Variants in AP3B1 observed in about 807,000 individuals in gnomAD.
AP3B1 encodes the protein adaptor related protein complex 3 subunit beta 1.
Under a neutral mutation model 132.5 loss-of-function variants are expected in AP3B1, and 61 were observed. That is an observed-to-expected ratio of 0.46 (90% CI 0.37 to 0.57). The LOEUF (loss-of-function observed/expected upper bound fraction) is 0.57. AP3B1 is among the 20% of genes least tolerant of loss of function. AP3B1 has a pLI of 0.00. For missense variants in AP3B1, 1,120 were observed against 1,289.4 expected (o/e 0.87, Z 2.01); for synonymous variants, 388 against 438.3 (o/e 0.89, Z 1.43).
chr5:78,183,291 C>T (rs1047564477), intron 7 of AP3B1, among the ~76,000 whole-genome samples: 2 of 152,150 alleles, frequency 1.3e-5, no homozygotes, highest in African/African-American at 4.8e-5. Flanking sequence ...ACCACCCTTC[C>T]CTGCTAGAGT....
At chr5:78,157,047 G>A (rs1032736907) in intron 13 of AP3B1, among the ~76,000 whole-genome samples, 18 of 152,082 alleles carry the variant, frequency 1.2e-4, no homozygotes, top group African/African-American at 4.3e-4. Flanking sequence ...GCTTATAGCT[G>A]TGTTTAGTCA....
chr5:78,231,573 T>G (rs1181433410), intron 3 of AP3B1, among the ~76,000 whole-genome samples: 1 of 152,024 alleles, frequency 6.6e-6, no homozygotes, highest in Non-Finnish European at 1.5e-5. Flanking sequence ...GCAATCTAAA[T>G]AGACCACCAA....
chr5:78,294,448 TC>T lies in AP3B1; in HGVS notation c.128+3del. On this transcript the variant is annotated splice_donor_region_variant and intron_variant, in intron 1 of 26. Transcript: ENST00000255194. ...ATCCCCGCAACCCAAACCTTTCTCC[TC>T]ACTTCTTCAAATCGCTGCTAAAGAG... 6.2e-7 allele frequency: 1 copy of T among 1,614,094 alleles called. No individual in the cohort carries two copies. The highest frequency in any genetic ancestry group is 1.1e-5 in the South Asian group (1 of 91,084).
At chr5:78,237,462 T>TCC (rs575048636) in intron 3 of AP3B1, among the ~76,000 whole-genome samples, 2 of 151,362 alleles carry the variant, frequency 1.3e-5, no homozygotes, top group Non-Finnish European at 2.9e-5. Flanking sequence ...CCACTACAGT[T>TCC]CCCCCCCAAA....
At chr5:78,210,729 C>A (rs1226156962) in intron 7 of AP3B1, among the ~76,000 whole-genome samples, 1 of 152,158 alleles carries the variant, frequency 6.6e-6, no homozygotes, top group African/African-American at 2.4e-5. Context: ...ACATTCCTAG[C>A]AGGCCCCAGT....
Position 78,177,422 on chromosome 5 carries a change from A to C in AP3B1, c.957T>G (p.Val319=), listed in dbSNP as rs2112405584. 1 of 1,613,448 alleles carries C rather than the reference A, an allele frequency of 6.2e-7. No homozygotes were observed. Residue 319 remains valine, a synonymous_variant, in exon 9 of 27, where the codon GTT becomes GTG. Transcript: ENST00000255194. Reference sequence around the variant, plus strand: ...GTGATATGTGCCAATACAGCTGAGCAACTGCCATAACCACCTACAAGATAA... The same window carrying C: ...GTGATATGTGCCAATACAGCTGAGCCACTGCCATAACCACCTACAAGATAA... ...QSRNAAVVMA[V]AQLYWHISPK...
chr5:78,040,372 T>C (rs1748024038), intron 22 of AP3B1, among the ~76,000 whole-genome samples: 1 of 152,226 alleles, frequency 6.6e-6, no homozygotes, highest in Non-Finnish European at 1.5e-5. Flanking sequence ...TGGGCCTTGA[T>C]TGTCCTGTTA....
chr5:78,026,722 A>G (rs1462943227), intron 24 of AP3B1, among the ~76,000 whole-genome samples: 1 of 152,236 alleles, frequency 6.6e-6, no homozygotes, highest in Non-Finnish European at 1.5e-5. Context: ...TATTTTACAG[A>G]TATTGCCAAT....
intron 1 of AP3B1, among the ~76,000 whole-genome samples, chr5:78,276,313 C>T (rs1561215697): frequency 6.6e-6 from 1 of 152,146 alleles, no homozygotes; most frequent in African/African-American, 2.4e-5. Flanking sequence ...AGCAATCCTC[C>T]CACCTCAGTC....
At chr5:78,118,054 C>G (rs1338294555) in intron 17 of AP3B1, among the ~76,000 whole-genome samples, 1 of 152,096 alleles carries the variant, frequency 6.6e-6, no homozygotes, top group African/African-American at 2.4e-5. Context: ...AATAGAATCA[C>G]CTGAGAATAG....
chr5:78,114,064 C>T (rs1751718262), intron 18 of AP3B1, 141 bp from the exon 19 acceptor site: 10 of 912,914 alleles, frequency 1.1e-5, no homozygotes, highest in Non-Finnish European at 1.7e-5. Context: ...ACATTTTATT[C>T]CCACACCCCA....
At chr5:78,134,603 C>T (rs1265548656) in intron 15 of AP3B1, among the ~76,000 whole-genome samples, 2 of 152,160 alleles carry the variant, frequency 1.3e-5, no homozygotes, top group South Asian at 2.1e-4. Flanking sequence ...TGCAATGGCG[C>T]GATCTCAGCT....
At chr5:78,097,033 G>A (rs1481586511) in intron 21 of AP3B1, among the ~76,000 whole-genome samples, 15 of 125,540 alleles carry the variant, frequency 1.2e-4, no homozygotes, top group Non-Finnish European at 1.8e-4. Context: ...CCCCCCGCCC[G>A]GCCAGCCGCC....
chr5:78,278,131 A>G (rs1233009243), intron 1 of AP3B1, among the ~76,000 whole-genome samples: 3 of 152,114 alleles, frequency 2.0e-5, no homozygotes, highest in Non-Finnish European at 4.4e-5. Flanking sequence ...TTTTTGGTTT[A>G]CAGTGTTTTT....
intron 7 of AP3B1, among the ~76,000 whole-genome samples, chr5:78,199,683 T>C (rs1745214582): frequency 6.6e-6 from 1 of 152,176 alleles, no homozygotes; most frequent in East Asian, 1.9e-4. Context: ...GGTTTTACAA[T>C]ATTTGTGGAC....
intron 2 of AP3B1, among the ~76,000 whole-genome samples, chr5:78,241,716 C>T (rs562920086): frequency 6.6e-6 from 1 of 152,328 alleles, no homozygotes; most frequent in Admixed American, 6.5e-5. Context: ...ACCGTTAGGA[C>T]TAACTGTAGC....
chr5:78,140,065 A>T (rs1361700120), intron 15 of AP3B1, among the ~76,000 whole-genome samples: 1 of 152,170 alleles, frequency 6.6e-6, no homozygotes, highest in Non-Finnish European at 1.5e-5. Flanking sequence ...ATGAGCAAGA[A>T]TCTTTTTCCA....
chr5:78,111,744 T>A (rs972526615), intron 19 of AP3B1, among the ~76,000 whole-genome samples: 4 of 152,186 alleles, frequency 2.6e-5, no homozygotes, highest in African/African-American at 7.2e-5. Flanking sequence ...CTACCACATG[T>A]GTGTGTATTT....
At chr5:78,039,797 AG>A (rs1747985652) in intron 22 of AP3B1, among the ~76,000 whole-genome samples, 1 of 149,748 alleles carries the variant, frequency 6.7e-6, no homozygotes, top group African/African-American at 2.5e-5. Context: ...AAAAAAGAAA[AG>A]AAAAGAAAAA....
Sources: gnomAD v4.1 joint callset for allele counts (sites outside exome capture counted in the v4.1 genomes callset) on GRCh38, gnomAD v4.1.1 for gene constraint, MANE v1.5 for transcripts, NCBI Gene and HGNC (gene_info 2026-07-23, HGNC 2026-07-21) for gene names.